Variants in HOXC4 observed in about 807,000 individuals in gnomAD.
HOXC4 encodes the protein homeobox protein Hox-C4.
HOXC4 carries 15 observed loss-of-function variants against 25.5 expected under a neutral mutation model. That is an observed-to-expected ratio of 0.59 (90% confidence interval 0.39 to 0.91). The LOEUF is 0.91. HOXC4 is among the 40% of genes least tolerant of loss of function. The pLI is 0.00. For synonymous variants in HOXC4, 165 were observed against 148.0 expected (o/e 1.11, Z -0.83); for missense variants, 342 against 352.4 (o/e 0.97, Z 0.24).
At chr12:54,028,260 TATATA>T (rs1565740742) in intron 1 of HOXC4, 1 of 165,574 alleles carries the variant, frequency 6.0e-6, no homozygotes, top group African/African-American at 2.7e-5. Context: ...TATATATATA[TATATA>T]TATTTTTTAA....
intron 1 of HOXC4, among the ~76,000 whole-genome samples, chr12:54,037,612 C>T (rs1941208133): frequency 6.6e-6 from 1 of 151,758 alleles, no homozygotes; most frequent in Non-Finnish European, 1.5e-5. Flanking sequence ...AATAAGGATC[C>T]ACCCTCTCCC....
At position 54,054,957 on chromosome 12, in the gene HOXC4, C is replaced by A; in HGVS notation, c.547C>A (p.Arg183=). The part of the protein sequence containing the change: ...KEFHYNRYLT[R]RRRIEIAHSL... ...GTTTCATTACAACCGCTACCTGACC[C>A]GAAGGAGAAGGATCGAGATCGCCCA... is the stretch of plus-strand genomic sequence containing the variant. Residue 183 remains arginine, a synonymous_variant, in exon 2 of 2, where the codon CGA becomes AGA. Coordinates refer to ENST00000430889, the MANE Select transcript of HOXC4 (RefSeq NM_153633.3). The A allele has an allele frequency of 6.2e-7, 1 of 1,614,070 alleles. No individual in the cohort carries two copies.
intron 1 of HOXC4, among the ~76,000 whole-genome samples, chr12:54,023,130 G>C (rs1346735926): frequency 6.6e-6 from 1 of 152,112 alleles, no homozygotes; most frequent in African/African-American, 2.4e-5. Flanking sequence ...CTCTCCCCAA[G>C]CCCCCTCCTC....
At chr12:54,043,964 GTGTT>G (rs201654182) in intron 1 of HOXC4, among the ~76,000 whole-genome samples, 6,712 of 114,642 alleles carry the variant, frequency 0.059, 296 homozygotes, top group East Asian at 0.16. Flanking sequence ...GTGTGTGTGT[GTGTT>G]TAGGGAGTAG....
At chr12:54,030,092 G>T in intron 1 of HOXC4, 1 of 926,194 alleles carries the variant, frequency 1.1e-6, no homozygotes, top group Non-Finnish European at 1.6e-6. Context: ...AAATTAGGGA[G>T]TCAAACGTGG....
intron 1 of HOXC4, among the ~76,000 whole-genome samples, chr12:54,024,247 G>A (rs529663789): frequency 6.6e-6 from 1 of 152,260 alleles, no homozygotes; most frequent in South Asian, 2.1e-4. Context: ...GGGGGTGGTG[G>A]GGGCAGGGTC....
At chr12:54,051,271 C>A (rs1481954247), upstream of HOXC4, among the ~76,000 whole-genome samples, 1 of 151,904 alleles carries the variant, frequency 6.6e-6, no homozygotes, top group African/African-American at 2.4e-5. Flanking sequence ...CTTCATCAAC[C>A]CTCTCCACAT....
intron 1 of HOXC4, among the ~76,000 whole-genome samples, chr12:54,042,532 G>A (rs1941292226): frequency 1.3e-5 from 2 of 152,148 alleles, no homozygotes; most frequent in South Asian, 2.1e-4. Flanking sequence ...TTCTCTTTTT[G>A]ACTGTCGTTC....
chr12:54,026,517 G>A (rs370392894), intron 1 of HOXC4, among the ~76,000 whole-genome samples: 37 of 152,182 alleles, frequency 2.4e-4, no homozygotes, highest in African/African-American at 8.7e-4. Flanking sequence ...CATTTCCTTG[G>A]GGAGAAGAAA....
chr12:54,051,195 G>A (rs1937836785), upstream of HOXC4, among the ~76,000 whole-genome samples: 1 of 152,084 alleles, frequency 6.6e-6, no homozygotes, highest in African/African-American at 2.4e-5. Flanking sequence ...TTCCAGGTGA[G>A]GCAGCCGCAT....
intron 1 of HOXC4, chr12:54,028,381 G>T: frequency 2.3e-6 from 2 of 874,634 alleles, no homozygotes; most frequent in Non-Finnish European, 3.4e-6. Context: ...GCTTGCGATT[G>T]GCTGGGAGGG....
chr12:54,046,316 A>G (rs1437830391), intron 1 of HOXC4, among the ~76,000 whole-genome samples: 1 of 152,066 alleles, frequency 6.6e-6, no homozygotes, highest in Non-Finnish European at 1.5e-5. Context: ...CGCGGCTTTG[A>G]CTAATGATTG....
At chr12:54,047,125 C>A (rs937077223) in intron 1 of HOXC4, among the ~76,000 whole-genome samples, 3 of 152,246 alleles carry the variant, frequency 2.0e-5, no homozygotes, top group African/African-American at 4.8e-5. Flanking sequence ...CTCTAGCTCC[C>A]CGCAAGCCTG....
chr12:54,032,858 G>A (rs1203830439), intron 1 of HOXC4: 1 of 337,098 alleles, frequency 3.0e-6, no homozygotes, highest in African/African-American at 2.2e-5. Context: ...CCCTTGGTTG[G>A]GCTTTGCCAA....
chr12:54,037,624 C>A (rs1486803674), intron 1 of HOXC4, among the ~76,000 whole-genome samples: 4 of 152,208 alleles, frequency 2.6e-5, no homozygotes, highest in Admixed American at 2.6e-4. Flanking sequence ...CCCTCTCCCC[C>A]CTCTCCACCC....
chr12:54,055,190 C>G lies in HOXC4; in HGVS notation c.780C>G (p.Asp260Glu), dbSNP rs1592250930. 1 of 1,598,958 alleles carries G rather than the reference C, an allele frequency of 6.3e-7. No homozygotes were observed. Residue 260 changes from aspartate (D) to glutamate (E), a missense_variant, in exon 2 of 2, where the codon GAC becomes GAG. Coordinates refer to ENST00000430889, the MANE Select transcript of HOXC4 (RefSeq NM_153633.3). The stretch of plus-strand genomic sequence containing the variant: ...CGCCGGAGCAGCAACGGGCAGAGGA[C>G]ATTACCAGGTTATAAAACATAACTC... ...ATPPEQQRAE[D>E]ITRL
intron 1 of HOXC4, chr12:54,034,267 T>G: frequency 1.2e-6 from 2 of 1,611,734 alleles, no homozygotes; most frequent in South Asian, 2.2e-5. Flanking sequence ...GGGGTGGGGT[T>G]TATGTTCCAG....
At chr12:54,030,765 C>T (rs1727290217) in intron 1 of HOXC4, 1 of 152,542 alleles carries the variant, frequency 6.6e-6, no homozygotes. Flanking sequence ...CTGTATAAAT[C>T]CAACCTCTGG....
intron 1 of HOXC4, among the ~76,000 whole-genome samples, chr12:54,018,957 A>G (rs142018836): frequency 0.022 from 3,282 of 151,894 alleles, 113 homozygotes; most frequent in African/African-American, 0.076. Flanking sequence ...GGGGGCGGGG[A>G]TGGGGGAAGA....
Sources: allele counts gnomAD v4.1 joint callset (sites outside exome capture counted in the v4.1 genomes callset), GRCh38; gene constraint gnomAD v4.1.1; transcripts MANE v1.5; gene names NCBI Gene and HGNC (gene_info 2026-07-23, HGNC 2026-07-21).